Variants in PCDH20 observed in about 807,000 individuals in gnomAD.
PCDH20 encodes protocadherin 20, also known as protocadherin-20.
Under a neutral mutation model 39.7 loss-of-function variants are expected in PCDH20, and 18 were observed. The observed-to-expected ratio is 0.45, with a 90% CI of 0.31 to 0.67. The LOEUF is 0.67. Among genes scored for constraint, PCDH20 ranks in the 30% least tolerant of loss-of-function variants. The pLI is 0.05. For synonymous variants in PCDH20, 495 were observed against 455.4 expected (o/e 1.09, Z -1.11); for missense variants, 1,161 against 1,167.4 (o/e 0.99, Z 0.08).
At chr13:61,415,151 C>A (rs576830007) in exon 1 of PCDH20, 2 of 1,448,238 alleles carry the variant, frequency 1.4e-6, no homozygotes, top group South Asian at 1.4e-5. Flanking sequence ...ATTCCCTCGG[C>A]CGCGCATTCC....
exon 2 of PCDH20, chr13:61,412,725 A>C (rs149102749): frequency 6.8e-6 from 11 of 1,613,958 alleles, no homozygotes; most frequent in Non-Finnish European, 9.3e-6. Context: ...TACCTTCTGG[A>C]TCTCTTATGG....
chr13:61,412,761 G>A (rs1188503569), exon 2 of PCDH20: 4 of 1,613,952 alleles, frequency 2.5e-6, no homozygotes, highest in Non-Finnish European at 3.4e-6. Context: ...GAGTGTTAAC[G>A]GGTTCCAGTT....
At chr13:61,411,282 A>G (rs1487387865) in exon 2 of PCDH20, 3 of 1,613,946 alleles carry the variant, frequency 1.9e-6, no homozygotes, top group East Asian at 2.2e-5. Context: ...TCTCTCGCAT[A>G]TGCAAGTCAA....
At chr13:61,415,037 C>T in exon 1 of PCDH20, 1 of 1,500,390 alleles carries the variant, frequency 6.7e-7, no homozygotes, top group Non-Finnish European at 9.0e-7. Context: ...CGGCAGGTTC[C>T]TGTAGCTGGT....
exon 2 of PCDH20, chr13:61,411,458 C>T: frequency 6.2e-7 from 1 of 1,614,088 alleles, no homozygotes; most frequent in Non-Finnish European, 8.5e-7. Flanking sequence ...ACAGATTCTA[C>T]CTTCCTATGA....
At chr13:61,415,167 A>T (rs1226290537) in exon 1 of PCDH20, 3 of 1,411,608 alleles carry the variant, frequency 2.1e-6, no homozygotes, top group Admixed American at 2.7e-5. Context: ...ATTCCCTGGG[A>T]GGCTGCAGTC....
exon 2 of PCDH20, chr13:61,411,486 T>C (rs764895057): frequency 1.3e-5 from 21 of 1,614,114 alleles, no homozygotes; most frequent in Non-Finnish European, 1.7e-5. Context: ...CTATTGAGAT[T>C]TGTGGTTCTT....
chr13:61,412,187 G>A (rs779468628), exon 2 of PCDH20: 13 of 1,613,952 alleles, frequency 8.1e-6, no homozygotes, highest in African/African-American at 5.3e-5. Context: ...TTGATAAACC[G>A]AGGACTGTTG....
exon 2 of PCDH20, chr13:61,412,038 TATGACAAAAATATCACTCTGGTTC>T (rs1217443895): frequency 6.2e-7 from 1 of 1,614,178 alleles, no homozygotes; most frequent in Non-Finnish European, 8.5e-7. Flanking sequence ...TTCCTGTATC[TATGACAAAAATATCACTCTGGTTC>T]ACCACAGAGA....
In PCDH20 at chr13:61,414,008, GA is replaced by G. The variant is rs753418558; in HGVS notation, c.133-43del. 3 of 1,520,058 alleles carry G rather than the reference GA, an allele frequency of 2.0e-6. No individual in the cohort carries two copies. The African/African-American group carries it at 4.1e-5, about 21-fold the overall frequency. The allele number at this position is 1,520,058 out of a possible 1,614,324, so 94.2% of individuals were successfully genotyped here. On this transcript the variant is annotated intron_variant, in intron 1 of 1. Transcript: ENST00000409204. ...GAAGAAAGCTCATTACACACACGGG[GA>G]AATAGGGGTCCGAGAGAGAAACTAG...
chr13:61,415,241 G>A, exon 1 of PCDH20: 7 of 1,277,712 alleles, frequency 5.5e-6, no homozygotes, highest in Non-Finnish European at 5.0e-6. Context: ...ATCGCTGGGG[G>A]AACTTCAGCC....
exon 2 of PCDH20, chr13:61,413,321 C>A: frequency 6.2e-7 from 1 of 1,614,126 alleles, no homozygotes; most frequent in Non-Finnish European, 8.5e-7. Flanking sequence ...TTCTCCTCCA[C>A]GTCCAGGGTG....
chr13:61,411,016 T>TA (rs1555282968), exon 2 of PCDH20: 96 of 292,308 alleles, frequency 3.3e-4, no homozygotes, highest in African/African-American at 1.7e-3. Flanking sequence ...TTTTTTTTTT[T>TA]AAATACAAGT....
Position 61,412,448 on chromosome 13 carries a change from T to C in PCDH20, c.1651A>G (p.Asn551Asp), listed in dbSNP as rs1878266233. 4 of 1,614,206 alleles carry C rather than the reference T, an allele frequency of 2.5e-6. No individual in the cohort carries two copies. Among genetic ancestry groups the C allele is most frequent in the African/African-American group, 2.7e-5 (2 of 75,070 alleles). ...GCATACAGCTTAGTCAAAAAGGCAT[T>C]GGGTGAGTTGTTCTCTTCGATGGTT... The change falls in exon 2 of 2, where the codon AAT becomes GAT. Residue 551 changes from asparagine (N) to aspartate (D), a missense_variant. Around this residue, in one of 3 missense-constraint regions of PCDH20, gnomAD observed 754 missense variants for 777.5 expected, o/e 0.97. Transcript: ENST00000409204.
At chr13:61,413,049 C>T (rs374659574) in exon 2 of PCDH20, 2 of 1,614,118 alleles carry the variant, frequency 1.2e-6, no homozygotes, top group South Asian at 1.1e-5. Context: ...GAGCATTGGT[C>T]CCCAAGTCTT....
At chr13:61,414,328 A>G (rs1871489210) in intron 1 of PCDH20, among the ~76,000 whole-genome samples, 1 of 152,044 alleles carries the variant, frequency 6.6e-6, no homozygotes, top group Non-Finnish European at 1.5e-5. Flanking sequence ...CGACACGGAA[A>G]CCCAGGGTAG....
At chr13:61,411,925 G>C in exon 2 of PCDH20, 1 of 1,614,126 alleles carries the variant, frequency 6.2e-7, no homozygotes, top group Non-Finnish European at 8.5e-7. Flanking sequence ...GATTTTTGCT[G>C]TAGAGGAGAG....
chr13:61,413,258 C>T (rs267603856), exon 2 of PCDH20: 1 of 1,614,146 alleles, frequency 6.2e-7, no homozygotes, highest in Non-Finnish European at 8.5e-7. Context: ...TCCTGGGTTT[C>T]CCTGTCCAAA....
chr13:61,414,082 C>T (rs1370314696), intron 1 of PCDH20, 116 bp from the exon 2 acceptor site: 7 of 925,706 alleles, frequency 7.6e-6, no homozygotes, highest in Non-Finnish European at 1.1e-5. Context: ...AGAAGCAAAA[C>T]CTCTAATTAG....
Sources: allele counts gnomAD v4.1 joint callset (sites outside exome capture counted in the v4.1 genomes callset), GRCh38; gene constraint gnomAD v4.1.1; regional missense constraint gnomAD v4.1.1; transcripts MANE v1.5; gene names NCBI Gene and HGNC (gene_info 2026-07-23, HGNC 2026-07-21).